IGF1: variants seen among roughly 807,000 people sequenced by gnomAD.
IGF1 encodes the protein insulin like growth factor 1, also known as insulin-like growth factor 1.
IGF1 carries 4 observed loss-of-function variants against 13.8 expected under a neutral mutation model. The ratio of observed to expected loss-of-function variants is 0.29; its 90% CI spans 0.14 to 0.66. The LOEUF (loss-of-function observed/expected upper bound fraction) is 0.66, where lower values mean the gene tolerates loss of function less well. IGF1 is among the 30% of genes least tolerant of loss of function. IGF1 has a pLI of 0.78. For synonymous variants in IGF1, 76 were observed against 72.6 expected (o/e 1.05, Z -0.23); for missense variants, 124 against 188.5 (o/e 0.66, Z 2.00).
intron 2 of IGF1, among the ~76,000 whole-genome samples, chr12:102,447,505 G>T (rs778831072): frequency 2.6e-5 from 4 of 151,962 alleles, no homozygotes; most frequent in Non-Finnish European, 5.9e-5. Context: ...TATCTTTGTT[G>T]GTTTAAAGTC....
chr12:102,462,853 G>C (rs1256197763), intron 2 of IGF1: 1 of 152,192 alleles, frequency 6.6e-6, no homozygotes, highest in East Asian at 1.9e-4. Flanking sequence ...TGAGAACACA[G>C]TCATCCCTTT....
chr12:102,413,352 A>C (rs1013831282), intron 3 of IGF1, among the ~76,000 whole-genome samples: 7 of 152,210 alleles, frequency 4.6e-5, no homozygotes, highest in African/African-American at 1.7e-4. Flanking sequence ...CATCTTGCCC[A>C]GTGGATGTTA....
intron 2 of IGF1, among the ~76,000 whole-genome samples, chr12:102,435,469 A>T (rs144151861): frequency 2.6e-5 from 4 of 152,244 alleles, no homozygotes; most frequent in African/African-American, 9.6e-5. Context: ...GGCATCATCA[A>T]TCCATATAGC....
intron 2 of IGF1, among the ~76,000 whole-genome samples, chr12:102,451,478 A>C (rs1322586169): frequency 1.3e-5 from 2 of 152,254 alleles, no homozygotes; most frequent in East Asian, 3.8e-4. Flanking sequence ...TTGCCACAAC[A>C]AATCTAATAC....
intron 2 of IGF1, among the ~76,000 whole-genome samples, chr12:102,454,141 C>T (rs1046049582): frequency 1.3e-5 from 2 of 152,208 alleles, no homozygotes; most frequent in Admixed American, 6.5e-5. Context: ...TGTCTATGTG[C>T]TCTTCTATTG....
At chr12:102,467,931 T>G (rs924032447) in intron 2 of IGF1, among the ~76,000 whole-genome samples, 2 of 152,230 alleles carry the variant, frequency 1.3e-5, no homozygotes, top group African/African-American at 2.4e-5. Context: ...TATTATCATT[T>G]TCATGTACAT....
At chr12:102,451,377 CAG>C (rs1362847829) in intron 2 of IGF1, among the ~76,000 whole-genome samples, 1 of 152,164 alleles carries the variant, frequency 6.6e-6, no homozygotes, top group Admixed American at 6.5e-5. Context: ...TTTGTTTACG[CAG>C]AGTAAGTAAT....
intron 2 of IGF1, among the ~76,000 whole-genome samples, chr12:102,462,449 T>C (rs1469829080): frequency 5.9e-5 from 9 of 152,174 alleles, no homozygotes; most frequent in Non-Finnish European, 1.3e-4. Context: ...TAAGCCTTTC[T>C]TTGTCTTTAG....
intron 3 of IGF1, among the ~76,000 whole-genome samples, chr12:102,413,683 T>C (rs1426458174): frequency 6.6e-6 from 1 of 152,234 alleles, no homozygotes; most frequent in Non-Finnish European, 1.5e-5. Context: ...GCAATTTTAC[T>C]TAAGACTACC....
At chr12:102,468,123 G>T (rs1880451223) in intron 2 of IGF1, among the ~76,000 whole-genome samples, 1 of 152,184 alleles carries the variant, frequency 6.6e-6, no homozygotes, top group South Asian at 2.1e-4. Context: ...AGGTTCTTGG[G>T]TATTTCCTCC....
In IGF1 at chr12:102,480,452, G is replaced by A; in HGVS notation, c.-71C>T. The A allele has an allele frequency of 6.2e-7, 1 of 1,608,480 alleles. No individual in the cohort carries two copies. Among genetic ancestry groups the A allele is most frequent in the Non-Finnish European group, 8.5e-7 (1 of 1,177,966 alleles). On this transcript the variant is annotated 5_prime_UTR_variant, in exon 1 of 4. Transcript: ENST00000337514. ...AATGAAGCAAAAAGAAATCCAGAGA[G>A]ATGGGAGATGTTGAGAGCAATGTCA... is the stretch of plus-strand genomic sequence containing the variant.
intron 2 of IGF1, among the ~76,000 whole-genome samples, chr12:102,433,300 T>G (rs537488125): frequency 6.6e-6 from 1 of 152,302 alleles, no homozygotes; most frequent in African/African-American, 2.4e-5. Flanking sequence ...GGATAAGAAG[T>G]TAACAACACA....
intron 2 of IGF1, among the ~76,000 whole-genome samples, chr12:102,466,463 T>C (rs1307289638): frequency 6.6e-6 from 1 of 152,186 alleles, no homozygotes; most frequent in Admixed American, 6.5e-5. Flanking sequence ...CCAAGTATGT[T>C]ACTAGTTATC....
chr12:102,420,944 A>G (rs1418204460), intron 2 of IGF1, among the ~76,000 whole-genome samples: 1 of 152,216 alleles, frequency 6.6e-6, no homozygotes, highest in South Asian at 2.1e-4. Flanking sequence ...TGTAATAATG[A>G]CACCATTACT....
At chr12:102,460,897 A>G (rs1429942853) in intron 2 of IGF1, among the ~76,000 whole-genome samples, 1 of 152,212 alleles carries the variant, frequency 6.6e-6, no homozygotes, top group Non-Finnish European at 1.5e-5. Context: ...CAAGTAAAAG[A>G]TGTGTGAAAA....
intron 3 of IGF1, among the ~76,000 whole-genome samples, chr12:102,413,805 A>T (rs748311557): frequency 6.6e-6 from 1 of 152,190 alleles, no homozygotes; most frequent in Non-Finnish European, 1.5e-5. Flanking sequence ...CTGAAAGTTC[A>T]TTATATGACC....
intron 2 of IGF1, among the ~76,000 whole-genome samples, chr12:102,444,416 G>T (rs1338219702): frequency 1.3e-5 from 2 of 151,864 alleles, no homozygotes; most frequent in Admixed American, 6.6e-5. Flanking sequence ...GGAGAGTTAG[G>T]ATCAGGAAAT....
In IGF1 at chr12:102,398,307, A is replaced by C. The variant is rs1873394968; in HGVS notation, c.*4200T>G. 1 of 152,634 alleles carries C rather than the reference A, an allele frequency of 6.6e-6. No homozygotes were observed. The highest frequency in any genetic ancestry group is 1.5e-5 in the Non-Finnish European group (1 of 68,030). The allele number at this position is 152,634 out of a possible 1,614,324, so 9.5% of individuals were successfully genotyped here. On this transcript the variant is annotated 3_prime_UTR_variant, in exon 4 of 4. Transcript: ENST00000337514. Reference sequence around the variant, plus strand: ...GAAGGGAGAATGTCTTCTATAAACCAGTAAATGCCAAAGAATACCCAAGGG... The same window carrying C: ...GAAGGGAGAATGTCTTCTATAAACCCGTAAATGCCAAAGAATACCCAAGGG...
chr12:102,470,285 A>G (rs892007815), intron 2 of IGF1, among the ~76,000 whole-genome samples: 4 of 152,214 alleles, frequency 2.6e-5, no homozygotes, highest in Non-Finnish European at 2.9e-5. Flanking sequence ...TTCAAACCTG[A>G]AGTGTTTGGC....
Sources: gnomAD v4.1 joint callset for allele counts (sites outside exome capture counted in the v4.1 genomes callset) on GRCh38, gnomAD v4.1.1 for gene constraint, MANE v1.5 for transcripts, NCBI Gene and HGNC (gene_info 2026-07-23, HGNC 2026-07-21) for gene names.